Variants in TMSB15B observed in about 807,000 individuals in gnomAD.
TMSB15B encodes thymosin beta 15B, also known as thymosin beta-15B.
In TMSB15B at chrX:103,928,349, TTC is replaced by T. The variant is rs1190366978; in HGVS notation, c.-721+9062_-721+9063del. The T allele has an allele frequency of 2.2e-5, 26 of 1,207,891 alleles. No individual in the cohort carries two copies. In the Admixed American group the frequency reaches 5.5e-4, roughly 25 times the overall value. On this transcript the variant is annotated intron_variant, in intron 1 of 3. Coordinates refer to the TMSB15B transcript ENST00000419165. The stretch of plus-strand genomic sequence containing the variant: ...TTCTACCGGGGAATCTACCCTCCTC[TTC>T]TCTCCAAGATGTTGCAAGGGACTCT...
intron 1 of TMSB15B, among the ~76,000 whole-genome samples, chrX:103,939,194 T>C (rs145521823): frequency 0.073 from 8,084 of 111,256 alleles, 316 homozygotes; most frequent in Non-Finnish European, 0.11. Flanking sequence ...AATTTGAATG[T>C]TGGCCTATCT....
intron 1 of TMSB15B, among the ~76,000 whole-genome samples, chrX:103,934,956 A>G (rs1269672966): frequency 2.7e-5 from 3 of 112,285 alleles, no homozygotes; most frequent in Admixed American, 1.9e-4. Context: ...TACACCCACC[A>G]ACAGTGTAAA....
rs782214684 is a variant in TMSB15B, at chrX:103,932,135, G to A, written c.-721+12843G>A. 4.5e-5 allele frequency: 5 copies of A among 111,874 alleles called. No individual in the cohort carries two copies. The South Asian group carries it at 1.9e-3, about 43-fold the overall frequency. 9.2% of individuals were successfully genotyped at this position (111,874 alleles called of 1,213,427 possible). ...AACGTTAGGTATTTCCCTGAGTTCT[G>A]TGAGCCTTTCTGACAAATTAATCAA... On this transcript the variant is annotated intron_variant, in intron 1 of 3. Transcript: ENST00000419165.
At chrX:103,939,843 C>T (rs1284808555) in intron 1 of TMSB15B, among the ~76,000 whole-genome samples, 2 of 111,658 alleles carry the variant, frequency 1.8e-5, no homozygotes, top group Non-Finnish European at 3.8e-5. Context: ...TGAGTTTTTG[C>T]GTGTTCGTCC....
Position 103,929,226 on chromosome X carries a change from A to G in TMSB15B, c.-721+9934A>G, listed in dbSNP as rs1556319499. Among the ~76,000 whole-genome samples, 6 of 112,309 alleles carry G rather than the reference A, an allele frequency of 5.3e-5. No homozygotes were observed. In the South Asian group the frequency reaches 2.3e-3, roughly 42 times the overall value. On this transcript the variant is annotated intron_variant, in intron 1 of 3. Transcript: ENST00000419165. ...TTAGTCAAAAAGAAACGTTCGCCCC[A>G]GTCTCTCCACAGCTTCAGTAGCCTC... is the stretch of plus-strand genomic sequence containing the variant.
intron 1 of TMSB15B, chrX:103,928,330 C>T (rs1375387360): frequency 1.3e-5 from 16 of 1,205,431 alleles, no homozygotes; most frequent in South Asian, 8.8e-5. Flanking sequence ...ATACTTCTAC[C>T]GGGGAATCTA....
chrX:103,934,970 A>G (rs1245877704), intron 1 of TMSB15B, among the ~76,000 whole-genome samples: 4 of 112,158 alleles, frequency 3.6e-5, no homozygotes, highest in Admixed American at 9.4e-5. Context: ...GTGTAAAAGC[A>G]TTCCTATTTC....
chrX:103,932,673 A>T (rs1556320145), intron 1 of TMSB15B: 1 of 112,130 alleles, frequency 8.9e-6, no homozygotes, highest in Admixed American at 9.5e-5. Flanking sequence ...CTGTAAAATT[A>T]TACAGACTTG....
intron 1 of TMSB15B, chrX:103,931,660 A>G (rs1477809760): frequency 4.4e-5 from 5 of 112,658 alleles, no homozygotes; most frequent in Admixed American, 2.8e-4. Flanking sequence ...TGTGAAATAT[A>G]TATTTGCTCT....
Position 103,941,589 on chromosome X carries a change from A to G in TMSB15B, c.-720-20432A>G, listed in dbSNP as rs150843377. 6.8e-3 allele frequency among the ~76,000 whole-genome samples: 762 copies of G among 111,879 alleles called. 2 individuals are homozygous for G. The highest frequency in any genetic ancestry group is 0.018 in the Middle Eastern group (4 of 218). ...TGAAATCCAATTTTTGACTGTTACA[A>G]AACAGTGCTACCATGATTTTTCTTG... On this transcript the variant is annotated intron_variant, in intron 1 of 3. Transcript: ENST00000419165.
At chrX:103,944,676 G>A (rs1556326748) in intron 1 of TMSB15B, among the ~76,000 whole-genome samples, 1 of 112,007 alleles carries the variant, frequency 8.9e-6, no homozygotes, top group Non-Finnish European at 1.9e-5. Flanking sequence ...CGTATGAGGC[G>A]CAACTCAAAC....
chrX:103,929,095 G>T, intron 1 of TMSB15B: 3 of 830,448 alleles, frequency 3.6e-6, no homozygotes, highest in Admixed American at 6.9e-5. Context: ...TACTTCTTTG[G>T]CTCGGTTGCC....
At chrX:103,924,445 C>G (rs1556318437) in intron 1 of TMSB15B, among the ~76,000 whole-genome samples, 1 of 111,750 alleles carries the variant, frequency 8.9e-6, no homozygotes, top group East Asian at 2.8e-4. Context: ...CTTGGTTGCT[C>G]CCCGTCCCAG....
intron 1 of TMSB15B, chrX:103,928,731 T>C (rs2074976408): frequency 8.6e-7 from 1 of 1,166,311 alleles, no homozygotes; most frequent in Non-Finnish European, 1.2e-6. Flanking sequence ...CCCATTGGGT[T>C]CCTGCCTTGG....
intron 1 of TMSB15B, chrX:103,931,015 GGTTGTA>G (rs1258068308): frequency 9.0e-6 from 1 of 111,321 alleles, no homozygotes; most frequent in African/African-American, 3.3e-5. Context: ...TGTCTTACCA[GGTTGTA>G]GTTCTAGCAG....
chrX:103,954,968 C>A (rs1351116861), intron 1 of TMSB15B, among the ~76,000 whole-genome samples: 1 of 111,041 alleles, frequency 9.0e-6, no homozygotes, highest in Non-Finnish European at 1.9e-5. Context: ...ATCAAGGAGC[C>A]AGAGAACAAA....
At chrX:103,933,092 A>G (rs1306579845) in intron 1 of TMSB15B, among the ~76,000 whole-genome samples, 1 of 112,138 alleles carries the variant, frequency 8.9e-6, no homozygotes, top group Non-Finnish European at 1.9e-5. Context: ...TTTACAACTT[A>G]TTTTTAAACA....
chrX:103,927,129 A>C (rs782649341), intron 1 of TMSB15B, among the ~76,000 whole-genome samples: 4 of 111,046 alleles, frequency 3.6e-5, no homozygotes, highest in African/African-American at 1.3e-4. Context: ...AAGGAGCAAT[A>C]GTTTGGAGTC....
chrX:103,939,376 C>T (rs1230961980), intron 1 of TMSB15B, among the ~76,000 whole-genome samples: 2 of 109,680 alleles, frequency 1.8e-5, no homozygotes, highest in Non-Finnish European at 3.8e-5. Flanking sequence ...TTTCTCTAAT[C>T]TCATCTTCAT....
Sources: allele counts gnomAD v4.1 joint callset (sites outside exome capture counted in the v4.1 genomes callset), GRCh38; gene constraint gnomAD v4.1.1; transcripts MANE v1.5; gene names NCBI Gene and HGNC (gene_info 2026-07-23, HGNC 2026-07-21).